HCN1: variants seen among roughly 807,000 people sequenced by gnomAD.
HCN1 encodes the protein hyperpolarization activated cyclic nucleotide gated potassium channel 1.
Under a neutral mutation model 78.9 loss-of-function variants are expected in HCN1, and 13 were observed. The ratio of observed to expected loss-of-function variants is 0.16; its 90% CI spans 0.11 to 0.26. The LOEUF (loss-of-function observed/expected upper bound fraction) is 0.26. Ranked by LOEUF, HCN1 falls within the 10% of genes least tolerant of loss-of-function variation. The pLI, the probability that HCN1 is intolerant of heterozygous loss-of-function variation, is 1.00. For synonymous variants in HCN1, 552 were observed against 455.5 expected (o/e 1.21, Z -2.70); for missense variants, 810 against 1,154.3 (o/e 0.70, Z 4.32).
intron 4 of HCN1, among the ~76,000 whole-genome samples, chr5:45,378,054 T>C (rs1747726023): frequency 6.6e-6 from 1 of 151,942 alleles, no homozygotes; most frequent in Non-Finnish European, 1.5e-5. Flanking sequence ...AATACATATT[T>C]AGTATAGAAA....
chr5:45,524,378 T>G (rs1013489219), intron 2 of HCN1, among the ~76,000 whole-genome samples: 2 of 152,150 alleles, frequency 1.3e-5, no homozygotes, highest in Non-Finnish European at 2.9e-5. Flanking sequence ...TTTAAAGTAG[T>G]TTTTTCCAAT....
chr5:45,413,666 A>G (rs1310781563), intron 3 of HCN1, among the ~76,000 whole-genome samples: 1 of 152,074 alleles, frequency 6.6e-6, no homozygotes, highest in Admixed American at 6.6e-5. Flanking sequence ...CAGTATTTTA[A>G]ATGGCAATAA....
chr5:45,396,815 A>C (rs950621051), intron 3 of HCN1, 105 bp from the exon 4 acceptor site: 6 of 843,110 alleles, frequency 7.1e-6, no homozygotes, highest in Non-Finnish European at 1.2e-5. Flanking sequence ...GAATACTGGA[A>C]AAATCCTTAC....
At chr5:45,379,255 C>G (rs972336683) in intron 4 of HCN1, among the ~76,000 whole-genome samples, 2 of 152,092 alleles carry the variant, frequency 1.3e-5, no homozygotes, top group African/African-American at 4.8e-5. Flanking sequence ...AAAAGTGTTC[C>G]TATTTCTCCA....
intron 2 of HCN1, among the ~76,000 whole-genome samples, chr5:45,606,202 A>C (rs1394764100): frequency 6.6e-6 from 1 of 151,996 alleles, no homozygotes; most frequent in Non-Finnish European, 1.5e-5. Context: ...TTTGCATTAA[A>C]CCTAGTGAAA....
intron 3 of HCN1, among the ~76,000 whole-genome samples, chr5:45,435,219 G>A (rs753925394): frequency 1.3e-5 from 2 of 151,928 alleles, no homozygotes; most frequent in Non-Finnish European, 2.9e-5. Context: ...ATTTGTGCAG[G>A]AAAATCAAAT....
chr5:45,282,118 C>T (rs1446833500), intron 6 of HCN1, among the ~76,000 whole-genome samples: 2 of 152,028 alleles, frequency 1.3e-5, no homozygotes, highest in Non-Finnish European at 2.9e-5. Context: ...AATATGTTTT[C>T]CACCATATAA....
At chr5:45,279,640 C>T (rs1745122792) in intron 6 of HCN1, among the ~76,000 whole-genome samples, 1 of 152,048 alleles carries the variant, frequency 6.6e-6, no homozygotes, top group South Asian at 2.1e-4. Context: ...AATAAAATCT[C>T]ATATGTTCCT....
At chr5:45,537,487 T>C (rs1453798504) in intron 2 of HCN1, among the ~76,000 whole-genome samples, 5 of 151,004 alleles carry the variant, frequency 3.3e-5, no homozygotes, top group Non-Finnish European at 7.4e-5. Context: ...GGTGTTTTAC[T>C]GTTGTTTGTT....
At chr5:45,295,909 GCTT>G (rs1028559268) in intron 6 of HCN1, among the ~76,000 whole-genome samples, 1 of 151,920 alleles carries the variant, frequency 6.6e-6, no homozygotes. Flanking sequence ...AATATGTATA[GCTT>G]ATTAAATAAG....
At chr5:45,300,217 A>G (rs1200574818) in intron 6 of HCN1, among the ~76,000 whole-genome samples, 1 of 152,006 alleles carries the variant, frequency 6.6e-6, no homozygotes, top group Non-Finnish European at 1.5e-5. Flanking sequence ...TATTCATCAA[A>G]TCTCCAGAAA....
intron 2 of HCN1, among the ~76,000 whole-genome samples, chr5:45,588,170 CA>C (rs1269860715): frequency 2.0e-5 from 3 of 151,926 alleles, no homozygotes; most frequent in Admixed American, 6.6e-5. Flanking sequence ...CACATAAATT[CA>C]AAAAATATAT....
intron 4 of HCN1, among the ~76,000 whole-genome samples, chr5:45,391,767 T>C (rs2112035585): frequency 6.6e-6 from 1 of 152,212 alleles, no homozygotes; most frequent in African/African-American, 2.4e-5. Flanking sequence ...AGATTGAATA[T>C]TTCATTTCTA....
intron 5 of HCN1, among the ~76,000 whole-genome samples, chr5:45,338,760 AG>A (rs754049003): frequency 2.0e-5 from 3 of 152,162 alleles, no homozygotes; most frequent in Non-Finnish European, 4.4e-5. Flanking sequence ...TGAATGTAGT[AG>A]GTACATAATA....
chr5:45,519,817 T>G (rs559854096), intron 2 of HCN1, among the ~76,000 whole-genome samples: 99 of 152,022 alleles, frequency 6.5e-4, no homozygotes, highest in Non-Finnish European at 1.2e-3. Context: ...GTATTTTTTT[T>G]TTTACCATTT....
At chr5:45,395,069 A>G (rs190332307) in intron 4 of HCN1, among the ~76,000 whole-genome samples, 1 of 152,250 alleles carries the variant, frequency 6.6e-6, no homozygotes. Flanking sequence ...TTGTGAACTT[A>G]TTTAATATGC....
chr5:45,324,341 A>C (rs1231979126), intron 5 of HCN1, among the ~76,000 whole-genome samples: 1 of 151,926 alleles, frequency 6.6e-6, no homozygotes. Flanking sequence ...AGTGGGTGAA[A>C]GATATGAAGA....
chr5:45,522,274 T>G (rs1742629603), intron 2 of HCN1, among the ~76,000 whole-genome samples: 2 of 152,032 alleles, frequency 1.3e-5, no homozygotes, highest in African/African-American at 2.4e-5. Context: ...AAACTTACTG[T>G]GTAAATAATT....
intron 2 of HCN1, among the ~76,000 whole-genome samples, chr5:45,483,388 A>T (rs1211355461): frequency 2.0e-5 from 3 of 151,740 alleles, no homozygotes; most frequent in Non-Finnish European, 2.9e-5. Flanking sequence ...GTGATGTTGA[A>T]TTTTTTTTCA....
Sources: allele counts gnomAD v4.1 joint callset (sites outside exome capture counted in the v4.1 genomes callset), GRCh38; gene constraint gnomAD v4.1.1; transcripts MANE v1.5; gene names NCBI Gene and HGNC (gene_info 2026-07-23, HGNC 2026-07-21).